Variants in EFNA5 observed in about 807,000 individuals in gnomAD.
The protein encoded by EFNA5 is ephrin A5.
EFNA5 carries 5 observed loss-of-function variants against 22.9 expected under a neutral mutation model. The observed-to-expected ratio is 0.22, with a 90% CI of 0.11 to 0.46. The LOEUF (loss-of-function observed/expected upper bound fraction) is 0.46. Ranked by LOEUF, EFNA5 falls within the 20% of genes least tolerant of loss-of-function variation. EFNA5 has a pLI of 0.99. For synonymous variants in EFNA5, 113 were observed against 112.2 expected, an observed-to-expected ratio of 1.01 and a Z score of -0.04; for missense variants, 237 against 293.3, an observed-to-expected ratio of 0.81 and a Z score of 1.40.
chr5:107,486,467 G>A (rs1237771228), intron 1 of EFNA5, among the ~76,000 whole-genome samples: 1 of 152,170 alleles, frequency 6.6e-6, no homozygotes, highest in Non-Finnish European at 1.5e-5. Context: ...AGTGGAGAGT[G>A]GTTCGGGTAA....
chr5:107,562,016 T>C (rs1185682538), intron 1 of EFNA5, among the ~76,000 whole-genome samples: 1 of 152,206 alleles, frequency 6.6e-6, no homozygotes, highest in Non-Finnish European at 1.5e-5. Context: ...CCTGCCACCC[T>C]TGGCAGTTGA....
chr5:107,450,468 C>T (rs1749530588), intron 1 of EFNA5, among the ~76,000 whole-genome samples: 1 of 152,184 alleles, frequency 6.6e-6, no homozygotes, highest in Admixed American at 6.5e-5. Flanking sequence ...CTCCTAGTGT[C>T]CTTAAGCATG....
intron 1 of EFNA5, among the ~76,000 whole-genome samples, chr5:107,467,607 G>C (rs1561399196): frequency 1.3e-5 from 2 of 152,182 alleles, no homozygotes; most frequent in Non-Finnish European, 2.9e-5. Context: ...AGTTGTGAAG[G>C]TGGCACGTGG....
At chr5:107,547,262 C>G (rs1748184672) in intron 1 of EFNA5, among the ~76,000 whole-genome samples, 1 of 152,122 alleles carries the variant, frequency 6.6e-6, no homozygotes, top group Non-Finnish European at 1.5e-5. Context: ...GTCTTTTAAG[C>G]AAGGCATTTT....
At chr5:107,455,117 C>CT (rs1334407418) in intron 1 of EFNA5, among the ~76,000 whole-genome samples, 16 of 152,188 alleles carry the variant, frequency 1.1e-4, no homozygotes, top group Admixed American at 1.0e-3. Flanking sequence ...AACCTAACGT[C>CT]TTTTCCATGG....
At chr5:107,533,542 T>C (rs1465461999) in intron 1 of EFNA5, among the ~76,000 whole-genome samples, 1 of 152,150 alleles carries the variant, frequency 6.6e-6, no homozygotes, top group East Asian at 1.9e-4. Flanking sequence ...TAAAAAAGAA[T>C]ATTACAGGAA....
chr5:107,425,916 T>G (rs183941893), intron 2 of EFNA5, among the ~76,000 whole-genome samples: 41 of 152,298 alleles, frequency 2.7e-4, no homozygotes, highest in Admixed American at 1.0e-3. Context: ...TCTGGCAAGC[T>G]GGGGTGAAAG....
At chr5:107,598,028 A>C (rs1488372591) in intron 1 of EFNA5, among the ~76,000 whole-genome samples, 7 of 152,208 alleles carry the variant, frequency 4.6e-5, no homozygotes, top group Admixed American at 3.9e-4. Context: ...GACCATTTGA[A>C]TAATTTATTC....
intron 1 of EFNA5, among the ~76,000 whole-genome samples, chr5:107,482,814 GTCTCTCTCTCTGTCTCTGTCTCTCTCTC>G (rs1441986481): frequency 0.014 from 991 of 73,076 alleles, 4 homozygotes; most frequent in Non-Finnish European, 0.019. Context: ...CTCTCTCTCT[GTCTCTCTCTCTGTCTCTGTCTCTCTCTC>G]TCTCTCTCTC....
chr5:107,534,940 G>C (rs1253645771), intron 1 of EFNA5, among the ~76,000 whole-genome samples: 1 of 152,238 alleles, frequency 6.6e-6, no homozygotes, highest in Middle Eastern at 3.4e-3. Flanking sequence ...CATAATGAAA[G>C]TTTGCCATGA....
At chr5:107,652,398 T>C (rs1292024923) in intron 1 of EFNA5, among the ~76,000 whole-genome samples, 1 of 152,230 alleles carries the variant, frequency 6.6e-6, no homozygotes, top group Non-Finnish European at 1.5e-5. Context: ...CCTGAACAGA[T>C]GTGCTTTCTC....
intron 1 of EFNA5, among the ~76,000 whole-genome samples, chr5:107,527,045 T>C (rs1423798296): frequency 6.6e-6 from 1 of 152,078 alleles, no homozygotes; most frequent in African/African-American, 2.4e-5. Context: ...CCTGGATAAA[T>C]CAGGAAAAAA....
intron 1 of EFNA5, among the ~76,000 whole-genome samples, chr5:107,467,974 C>T (rs1202768794): frequency 6.6e-6 from 1 of 152,140 alleles, no homozygotes; most frequent in African/African-American, 2.4e-5. Context: ...AAGAATGAAA[C>T]ATTTACAGCC....
At chr5:107,563,995 C>A (rs1486961052) in intron 1 of EFNA5, among the ~76,000 whole-genome samples, 3 of 152,124 alleles carry the variant, frequency 2.0e-5, no homozygotes, top group Non-Finnish European at 4.4e-5. Flanking sequence ...TACTATTTGC[C>A]TCCATCAGGT....
At chr5:107,670,237 C>G (rs1343465496) in intron 1 of EFNA5, among the ~76,000 whole-genome samples, 1 of 152,018 alleles carries the variant, frequency 6.6e-6, no homozygotes. Context: ...AGTCTCCCGG[C>G]GCCCCGCAGA....
In EFNA5 at chr5:107,603,244, C is replaced by CA. The variant is rs554839703; in HGVS notation, c.125+67244dup. On this transcript the variant is annotated intron_variant, in intron 1 of 4. Coordinates refer to ENST00000333274, the MANE Select transcript of EFNA5 (RefSeq NM_001962.3). ...AGGAAGGTTGTAGTTCAAGGTGCATCAAAGAGTCACTACTCCTTTTAATGG... is the reference window on the plus strand; with the variant it reads ...AGGAAGGTTGTAGTTCAAGGTGCATCAAAAGAGTCACTACTCCTTTTAATGG... 5.9e-4 allele frequency among the ~76,000 whole-genome samples: 90 copies of CA among 152,310 alleles called. 2 individuals carry two copies. In the Middle Eastern group the frequency reaches 0.017, roughly 29 times the overall value.
At chr5:107,482,820 C>T (rs879937134) in intron 1 of EFNA5, among the ~76,000 whole-genome samples, 1 of 55,752 alleles carries the variant, frequency 1.8e-5, no homozygotes, top group Non-Finnish European at 4.3e-5. Flanking sequence ...CTCTGTCTCT[C>T]TCTCTGTCTC....
intron 2 of EFNA5, among the ~76,000 whole-genome samples, chr5:107,413,565 C>T (rs1464964779): frequency 3.3e-5 from 5 of 152,124 alleles, no homozygotes; most frequent in South Asian, 2.1e-4. Flanking sequence ...CATTTTCCTT[C>T]GAAACTGTTG....
chr5:107,411,720 A>G (rs1371649354), intron 2 of EFNA5, among the ~76,000 whole-genome samples: 3 of 152,116 alleles, frequency 2.0e-5, no homozygotes, highest in Non-Finnish European at 4.4e-5. Flanking sequence ...CATGGCTCAC[A>G]CCAACTATAG....
Sources: gnomAD v4.1 joint callset for allele counts (sites outside exome capture counted in the v4.1 genomes callset) on GRCh38, gnomAD v4.1.1 for gene constraint, MANE v1.5 for transcripts, NCBI Gene and HGNC (gene_info 2026-07-23, HGNC 2026-07-21) for gene names.